ANO2: variants seen among roughly 807,000 people sequenced by gnomAD.
ANO2 encodes the protein anoctamin-2.
A neutral mutation model predicts 124.2 loss-of-function variants in ANO2; 101 were observed. That is an observed-to-expected ratio of 0.81 (90% CI 0.69 to 0.96). The LOEUF (loss-of-function observed/expected upper bound fraction) is 0.96. Ranked by LOEUF, ANO2 falls within the 40% of genes least tolerant of loss-of-function variation. The pLI, the probability that ANO2 is intolerant of heterozygous loss-of-function variation, is 0.00. For synonymous variants in ANO2, 486 were observed against 482.5 expected (o/e 1.01, Z -0.09); for missense variants, 1,293 against 1,274.5 (o/e 1.01, Z -0.22).
At chr12:5,804,785 A>G (rs980961013) in intron 9 of ANO2, among the ~76,000 whole-genome samples, 20 of 152,226 alleles carry the variant, frequency 1.3e-4, no homozygotes, top group African/African-American at 4.1e-4. Context: ...CCATTAGTGC[A>G]GGTAACAGAA....
chr12:5,861,898 A>G (rs567737781), intron 3 of ANO2, among the ~76,000 whole-genome samples: 1 of 152,146 alleles, frequency 6.6e-6, no homozygotes, highest in Non-Finnish European at 1.5e-5. Context: ...GCGAAGGAGG[A>G]GAGTGAGGTG....
At position 5,744,161 on chromosome 12, in the gene ANO2, C is replaced by G; in HGVS notation, c.1347G>C (p.Leu449=). The G allele has an allele frequency of 3.1e-6, 5 of 1,613,948 alleles. No homozygotes were observed. Among genetic ancestry groups the G allele is most frequent in the Non-Finnish European group, 4.2e-6 (5 of 1,179,868 alleles). ...ATVFFSIFMA[L]WATMFLENWK... is the part of the protein sequence containing the mutation. Reference sequence around the variant, plus strand: ...AGCCTGGTGATGGCCACATACCCCACAGAGCCATGAAGATAGAGAAGAAGA... The same window carrying G: ...AGCCTGGTGATGGCCACATACCCCAGAGAGCCATGAAGATAGAGAAGAAGA... The change falls in exon 12 of 25, where the codon CTG becomes CTC. Residue 449 remains leucine (L), a synonymous_variant. Transcript: ENST00000682330.
intron 14 of ANO2, among the ~76,000 whole-genome samples, chr12:5,667,899 C>T (rs1947808146): frequency 6.6e-6 from 1 of 152,208 alleles, no homozygotes; most frequent in African/African-American, 2.4e-5. Context: ...CTTTCTATGG[C>T]TGCATAGTAT....
At chr12:5,744,828 G>A (rs1405441493) in intron 11 of ANO2, among the ~76,000 whole-genome samples, 1 of 152,166 alleles carries the variant, frequency 6.6e-6, no homozygotes, top group Non-Finnish European at 1.5e-5. Context: ...CCTCCAGAAG[G>A]AGAAGTTCTA....
intron 14 of ANO2, among the ~76,000 whole-genome samples, chr12:5,682,508 C>T (rs767449956): frequency 6.6e-6 from 1 of 152,050 alleles, no homozygotes; most frequent in African/African-American, 2.4e-5. Context: ...GTGCTTATGG[C>T]AGTCAAGGGT....
At chr12:5,846,033 A>C (rs1298669589) in intron 4 of ANO2, among the ~76,000 whole-genome samples, 1 of 152,240 alleles carries the variant, frequency 6.6e-6, no homozygotes, top group Non-Finnish European at 1.5e-5. Context: ...GGTTTTATGA[A>C]TCTTTTTCCT....
intron 3 of ANO2, among the ~76,000 whole-genome samples, chr12:5,897,493 A>C (rs1939873691): frequency 6.6e-6 from 1 of 152,168 alleles, no homozygotes; most frequent in South Asian, 2.1e-4. Flanking sequence ...CTTCCAAAAA[A>C]AGTCTGTGAG....
intron 14 of ANO2, among the ~76,000 whole-genome samples, chr12:5,694,251 CAGAGAGAGAGAGAGAG>C (rs5796182): frequency 2.2e-5 from 3 of 133,882 alleles, no homozygotes; most frequent in Non-Finnish European, 3.1e-5. Context: ...TTACCAGAGA[CAGAGAGAGAGAGAGAG>C]AGAGAGAGAG....
At chr12:5,653,499 A>T (rs1947013334) in intron 14 of ANO2, among the ~76,000 whole-genome samples, 1 of 152,246 alleles carries the variant, frequency 6.6e-6, no homozygotes, top group African/African-American at 2.4e-5. Context: ...GTCTAATGGG[A>T]CAACTGGTAA....
intron 20 of ANO2, among the ~76,000 whole-genome samples, chr12:5,599,084 T>A (rs1443063857): frequency 6.6e-6 from 1 of 152,236 alleles, no homozygotes; most frequent in Non-Finnish European, 1.5e-5. Flanking sequence ...TCGGATACTT[T>A]CCATGAAGGA....
Position 5,939,046 on chromosome 12 carries a change from G to A in ANO2, c.22+6150C>T, listed in dbSNP as rs148397921. 4.1e-3 allele frequency among the ~76,000 whole-genome samples: 620 copies of A among 150,598 alleles called. 4 individuals are homozygous for A. The highest frequency in any genetic ancestry group is 0.015 in the African/African-American group (595 of 40,966). ...ATCCTGGCCAAGAGAGTAAAACCCCGTCTCTACTAAAAATACAAAAATTAG... is the reference window on the plus strand; with the variant it reads ...ATCCTGGCCAAGAGAGTAAAACCCCATCTCTACTAAAAATACAAAAATTAG... On this transcript the variant is annotated intron_variant, in intron 1 of 24. Transcript: ENST00000682330.
intron 14 of ANO2, among the ~76,000 whole-genome samples, chr12:5,714,563 T>C (rs1426979541): frequency 6.6e-6 from 1 of 152,196 alleles, no homozygotes; most frequent in Non-Finnish European, 1.5e-5. Context: ...TTCAATATGG[T>C]GCTCGCTGTG....
chr12:5,683,784 G>C (rs1035971242), intron 14 of ANO2, among the ~76,000 whole-genome samples: 1 of 152,112 alleles, frequency 6.6e-6, no homozygotes, highest in Non-Finnish European at 1.5e-5. Flanking sequence ...AGAGAACTCA[G>C]TGAGGACAGG....
chr12:5,824,088 C>T (rs1433782997), intron 7 of ANO2, among the ~76,000 whole-genome samples: 1 of 152,168 alleles, frequency 6.6e-6, no homozygotes, highest in Non-Finnish European at 1.5e-5. Context: ...TTTTTTCCTC[C>T]TGGGCCTCTG....
At chr12:5,738,986 T>C in intron 13 of ANO2, 1 of 437,124 alleles carries the variant, frequency 2.3e-6, no homozygotes, top group Non-Finnish European at 4.5e-6. Context: ...TATCCCTGAC[T>C]CTCTGGCTTT....
At chr12:5,601,103 C>T (rs1230660721) in intron 19 of ANO2, among the ~76,000 whole-genome samples, 1 of 152,088 alleles carries the variant, frequency 6.6e-6, no homozygotes, top group African/African-American at 2.4e-5. Context: ...ACTATATGTC[C>T]ATGGGCAAGT....
chr12:5,705,749 G>C (rs958077358), intron 14 of ANO2, among the ~76,000 whole-genome samples: 1 of 152,150 alleles, frequency 6.6e-6, no homozygotes, highest in African/African-American at 2.4e-5. Context: ...CTTAAATCCT[G>C]ATGTTTTTGC....
intron 14 of ANO2, among the ~76,000 whole-genome samples, chr12:5,657,151 G>C (rs1307636079): frequency 6.6e-6 from 1 of 152,198 alleles, no homozygotes; most frequent in African/African-American, 2.4e-5. Context: ...GATAGGAGCT[G>C]GTCCCAGACA....
intron 14 of ANO2, among the ~76,000 whole-genome samples, chr12:5,669,880 G>T (rs1279401561): frequency 6.6e-6 from 1 of 152,196 alleles, no homozygotes; most frequent in Non-Finnish European, 1.5e-5. Flanking sequence ...GACAATCAGA[G>T]AAGAAAGTAA....
Sources: allele counts gnomAD v4.1 joint callset (sites outside exome capture counted in the v4.1 genomes callset), GRCh38; gene constraint gnomAD v4.1.1; transcripts MANE v1.5; gene names NCBI Gene and HGNC (gene_info 2026-07-23, HGNC 2026-07-21).